PDLIM1: variants seen among roughly 807,000 people sequenced by gnomAD.
PDLIM1 encodes the protein PDZ and LIM domain 1.
In PDLIM1, 25 loss-of-function variants were observed where a neutral mutation model predicts 35.2. That is an observed-to-expected ratio of 0.71 (90% CI 0.52 to 0.99). PDLIM1 has a LOEUF of 0.99. Ranked by LOEUF, PDLIM1 falls within the 50% of genes least tolerant of loss-of-function variation. PDLIM1 has a pLI of 0.00. For synonymous variants in PDLIM1, 152 were observed against 154.0 expected (o/e 0.99, Z 0.10); for missense variants, 363 against 415.3 (o/e 0.87, Z 1.09).
At chr10:95,270,031 C>A (rs1351971725) in intron 2 of PDLIM1, among the ~76,000 whole-genome samples, 1 of 152,160 alleles carries the variant, frequency 6.6e-6, no homozygotes, top group Non-Finnish European at 1.5e-5. Flanking sequence ...GCCACCATAC[C>A]TGGCCATACT....
intron 4 of PDLIM1, among the ~76,000 whole-genome samples, chr10:95,261,801 G>C (rs878869082): frequency 6.6e-6 from 1 of 152,154 alleles, no homozygotes; most frequent in Non-Finnish European, 1.5e-5. Context: ...CTGAGGTCGG[G>C]AGTTTGAGAC....
intron 3 of PDLIM1, among the ~76,000 whole-genome samples, chr10:95,265,671 T>C (rs948328302): frequency 8.6e-5 from 13 of 151,504 alleles, no homozygotes; most frequent in South Asian, 2.1e-4. Context: ...TCCCAACACT[T>C]TGGGAGTCCA....
intron 1 of PDLIM1, among the ~76,000 whole-genome samples, chr10:95,280,149 G>A (rs1385528786): frequency 6.6e-6 from 1 of 152,194 alleles, no homozygotes; most frequent in Middle Eastern, 3.2e-3. Context: ...GCCAGGGTGG[G>A]TGGATCACTA....
At chr10:95,259,359 G>C (rs774687798) in intron 4 of PDLIM1, among the ~76,000 whole-genome samples, 1 of 152,136 alleles carries the variant, frequency 6.6e-6, no homozygotes, top group Non-Finnish European at 1.5e-5. Context: ...TTATGTAGGT[G>C]GGGGAAAGGA....
chr10:95,242,610 C>A (rs45491393), intron 5 of PDLIM1, among the ~76,000 whole-genome samples: 3,679 of 151,890 alleles, frequency 0.024, 137 homozygotes, highest in African/African-American at 0.082. Flanking sequence ...TGGCTTGAAC[C>A]CGGGAGGCGG....
chr10:95,241,368 T>G (rs2035176711), intron 5 of PDLIM1, among the ~76,000 whole-genome samples: 1 of 152,150 alleles, frequency 6.6e-6, no homozygotes, highest in African/African-American at 2.4e-5. Flanking sequence ...ACAAGGGGCA[T>G]TTAGAATACA....
At chr10:95,277,087 C>T (rs1419298924) in intron 1 of PDLIM1, among the ~76,000 whole-genome samples, 3 of 151,728 alleles carry the variant, frequency 2.0e-5, no homozygotes, top group South Asian at 2.1e-4. Context: ...TGGTGGCACA[C>T]GCCTGTAGTC....
At chr10:95,249,119 G>A (rs190735959) in intron 4 of PDLIM1, among the ~76,000 whole-genome samples, 1 of 152,348 alleles carries the variant, frequency 6.6e-6, no homozygotes, top group East Asian at 1.9e-4. Flanking sequence ...TCAGTGCCTG[G>A]CACAGGTCAC....
chr10:95,241,506 A>G (rs567229), intron 5 of PDLIM1, among the ~76,000 whole-genome samples: 139,119 of 152,218 alleles, frequency 0.91, 63,999 homozygotes, highest in African/African-American at 0.98. Context: ...GTGAAAGGGG[A>G]TGCCACTGGC....
intron 1 of PDLIM1, among the ~76,000 whole-genome samples, chr10:95,289,832 C>A (rs1416957205): frequency 6.6e-6 from 1 of 152,202 alleles, no homozygotes; most frequent in Non-Finnish European, 1.5e-5. Flanking sequence ...AAGGGGACTT[C>A]TTTTTCTCCC....
intron 1 of PDLIM1, among the ~76,000 whole-genome samples, chr10:95,284,295 AT>A (rs2035583882): frequency 6.6e-6 from 1 of 152,100 alleles, no homozygotes; most frequent in East Asian, 1.9e-4. Context: ...ATTTTTTATT[AT>A]TTTTTTAAAG....
Position 95,238,760 on chromosome 10 carries a change from C to T in PDLIM1, c.686-75G>A. 4 of 925,810 alleles carry T rather than the reference C, an allele frequency of 4.3e-6. No homozygotes were observed. In the Admixed American group the frequency reaches 5.3e-5, roughly 12 times the overall value. 57.3% of individuals were successfully genotyped at this position (925,810 alleles called of 1,614,324 possible). ...AGTATCACTCAGCTCTTCAGAACCACTTATAAATATATGTTCAAGCAAGGC... is the reference window on the plus strand; with the variant it reads ...AGTATCACTCAGCTCTTCAGAACCATTTATAAATATATGTTCAAGCAAGGC... On this transcript the variant is annotated intron_variant, in intron 5 of 6. Coordinates refer to ENST00000329399, the MANE Select transcript of PDLIM1 (RefSeq NM_020992.4).
At chr10:95,258,738 G>C (rs758155288) in intron 4 of PDLIM1, among the ~76,000 whole-genome samples, 10 of 152,074 alleles carry the variant, frequency 6.6e-5, no homozygotes, top group East Asian at 1.9e-4. Context: ...AAAAGTTCTA[G>C]AGATGTGTTG....
At chr10:95,283,718 G>C (rs541085242) in intron 1 of PDLIM1, among the ~76,000 whole-genome samples, 53 of 152,306 alleles carry the variant, frequency 3.5e-4, no homozygotes, top group African/African-American at 1.2e-3. Flanking sequence ...CTTTACTGAA[G>C]GATGACATGT....
intron 5 of PDLIM1, among the ~76,000 whole-genome samples, chr10:95,245,690 A>C (rs1000448215): frequency 6.6e-6 from 1 of 152,198 alleles, no homozygotes; most frequent in African/African-American, 2.4e-5. Flanking sequence ...CTGCTCAGCT[A>C]CTCCAAGCAA....
intron 2 of PDLIM1, among the ~76,000 whole-genome samples, chr10:95,269,770 C>T (rs943308793): frequency 6.6e-6 from 1 of 151,994 alleles, no homozygotes; most frequent in Admixed American, 6.6e-5. Context: ...CTCGCTCTGT[C>T]GCCCAGGCTG....
chr10:95,281,007 C>T (rs191555996), intron 1 of PDLIM1, among the ~76,000 whole-genome samples: 8 of 152,322 alleles, frequency 5.3e-5, no homozygotes, highest in Admixed American at 4.6e-4. Flanking sequence ...CCCAAGAACC[C>T]ATACCTTTTT....
At chr10:95,268,673 A>G in intron 3 of PDLIM1, 105 bp downstream of exon 3, 1 of 779,638 alleles carries the variant, frequency 1.3e-6, no homozygotes, top group Admixed American at 1.8e-5. Context: ...GAAGGGTCTT[A>G]TCCCCAGGCC....
At chr10:95,242,096 A>G (rs546397693) in intron 5 of PDLIM1, among the ~76,000 whole-genome samples, 1 of 152,204 alleles carries the variant, frequency 6.6e-6, no homozygotes, top group East Asian at 1.9e-4. Context: ...AGCACATGAG[A>G]TGGGGCTGAG....
Sources: allele counts gnomAD v4.1 joint callset (sites outside exome capture counted in the v4.1 genomes callset), GRCh38; gene constraint gnomAD v4.1.1; transcripts MANE v1.5; gene names NCBI Gene and HGNC (gene_info 2026-07-23, HGNC 2026-07-21).